The following LRMDA variants were observed in gnomAD, a reference collection of about 807,000 sequenced individuals.
LRMDA encodes the protein leucine rich melanocyte differentiation associated.
A neutral mutation model predicts 29.8 loss-of-function variants in LRMDA; 18 were observed. The ratio of observed to expected loss-of-function variants is 0.60; its 90% confidence interval spans 0.42 to 0.90. The LOEUF is 0.90. Ranked by LOEUF, LRMDA falls within the 40% of genes least tolerant of loss-of-function variation. The probability of loss-of-function intolerance (pLI) is 0.00; values close to 1 mark genes in which losing one functional copy is unlikely to be tolerated. For synonymous variants in LRMDA, 125 were observed against 109.4 expected, an observed-to-expected ratio of 1.14 and a Z score of -0.89; for missense variants, 273 against 273.9, an observed-to-expected ratio of 1.00 and a Z score of 0.02.
chr10:76,215,699 T>A (rs888949201), intron 5 of LRMDA, among the ~76,000 whole-genome samples: 2 of 152,194 alleles, frequency 1.3e-5, no homozygotes, highest in African/African-American at 4.8e-5. Flanking sequence ...AACCACGTTG[T>A]TCTTGAAAAA....
At chr10:76,532,749 G>T (rs898391100) in intron 6 of LRMDA, among the ~76,000 whole-genome samples, 2 of 152,164 alleles carry the variant, frequency 1.3e-5, no homozygotes, top group Non-Finnish European at 2.9e-5. Flanking sequence ...CATCATGGGA[G>T]GTTTGGAGGA....
At chr10:75,495,254 C>T (rs1297401930) in intron 2 of LRMDA, among the ~76,000 whole-genome samples, 1 of 152,076 alleles carries the variant, frequency 6.6e-6, no homozygotes, top group Non-Finnish European at 1.5e-5. Context: ...CCCTCTCTCC[C>T]TCCCTCCCTT....
chr10:75,843,871 T>C (rs1844586778), intron 2 of LRMDA, among the ~76,000 whole-genome samples: 1 of 152,056 alleles, frequency 6.6e-6, no homozygotes, highest in South Asian at 2.1e-4. Flanking sequence ...CCCTTGCAAA[T>C]GTTCAGACTC....
chr10:75,592,306 CTA>C (rs1274182884), intron 2 of LRMDA, among the ~76,000 whole-genome samples: 1 of 152,206 alleles, frequency 6.6e-6, no homozygotes. Flanking sequence ...GATTTCTACC[CTA>C]GACGCGTGGC....
At chr10:75,924,459 C>CAA (rs534764978) in intron 2 of LRMDA, among the ~76,000 whole-genome samples, 3,012 of 151,850 alleles carry the variant, frequency 0.02, 33 homozygotes, top group Non-Finnish European at 0.029. Context: ...GATGGCTTGT[C>CAA]AAAAAAAATA....
intron 6 of LRMDA, among the ~76,000 whole-genome samples, chr10:76,541,073 G>A (rs1165793182): frequency 2.0e-5 from 3 of 151,984 alleles, no homozygotes; most frequent in Non-Finnish European, 2.9e-5. Flanking sequence ...ATAACTGTCC[G>A]TGGCCCAAAT....
chr10:75,796,590 G>A (rs1843657517), intron 2 of LRMDA, among the ~76,000 whole-genome samples: 3 of 152,186 alleles, frequency 2.0e-5, no homozygotes, highest in Admixed American at 1.3e-4. Context: ...ATTATTTTTT[G>A]AGATAGAGTT....
chr10:75,899,819 C>T (rs1589246172), intron 2 of LRMDA, among the ~76,000 whole-genome samples: 4 of 152,322 alleles, frequency 2.6e-5, no homozygotes, highest in South Asian at 2.1e-4. Flanking sequence ...TCACCTTCCT[C>T]TCCAATGTGT....
chr10:76,478,117 C>A (rs1456935847), intron 6 of LRMDA, among the ~76,000 whole-genome samples: 1 of 152,102 alleles, frequency 6.6e-6, no homozygotes, highest in South Asian at 2.1e-4. Flanking sequence ...GAATAGGCAA[C>A]CTACAGATGG....
At chr10:76,338,337 C>T (rs748767991) in intron 6 of LRMDA, among the ~76,000 whole-genome samples, 31 of 150,788 alleles carry the variant, frequency 2.1e-4, no homozygotes, top group African/African-American at 4.1e-4. Context: ...GTATTCCAGC[C>T]GGGGCAGCAT....
At chr10:76,313,108 T>G (rs1467637214) in intron 5 of LRMDA, among the ~76,000 whole-genome samples, 2 of 152,108 alleles carry the variant, frequency 1.3e-5, no homozygotes, top group Admixed American at 1.3e-4. Flanking sequence ...TGCCTGGATT[T>G]GTGTCCCAGC....
chr10:76,494,304 C>T (rs1241271136), intron 6 of LRMDA, among the ~76,000 whole-genome samples: 2 of 148,174 alleles, frequency 1.3e-5, no homozygotes, highest in Non-Finnish European at 3.0e-5. Context: ...TTAAAATACA[C>T]GATACTACTC....
intron 2 of LRMDA, among the ~76,000 whole-genome samples, chr10:76,003,521 A>G (rs1207218286): frequency 2.0e-5 from 3 of 152,218 alleles, no homozygotes; most frequent in Non-Finnish European, 2.9e-5. Flanking sequence ...TCTCATAAAG[A>G]CGTTACACGT....
At chr10:76,486,945 C>T (rs1408625219) in intron 6 of LRMDA, among the ~76,000 whole-genome samples, 1 of 151,868 alleles carries the variant, frequency 6.6e-6, no homozygotes, top group Non-Finnish European at 1.5e-5. Flanking sequence ...GTTTTAACTA[C>T]TTCTACTTGG....
At chr10:75,556,752 GTT>G (rs71024550) in intron 2 of LRMDA, among the ~76,000 whole-genome samples, 1 of 143,418 alleles carries the variant, frequency 7.0e-6, no homozygotes, top group African/African-American at 2.6e-5. Flanking sequence ...TTGCATGATT[GTT>G]TTTTTTTTTT....
chr10:75,461,199 A>T (rs1042681904), intron 2 of LRMDA, among the ~76,000 whole-genome samples: 1 of 152,210 alleles, frequency 6.6e-6, no homozygotes, highest in African/African-American at 2.4e-5. Flanking sequence ...GCTAGGTTTG[A>T]TGGAGAAGTG....
intron 6 of LRMDA, among the ~76,000 whole-genome samples, chr10:76,400,815 C>T (rs1459499568): frequency 6.6e-6 from 1 of 152,120 alleles, no homozygotes; most frequent in Non-Finnish European, 1.5e-5. Flanking sequence ...CATTTTCTAC[C>T]TCATAGGGGA....
chr10:76,185,844 C>T (rs1012040375), intron 5 of LRMDA, among the ~76,000 whole-genome samples: 2 of 152,018 alleles, frequency 1.3e-5, no homozygotes, highest in Non-Finnish European at 2.9e-5. Flanking sequence ...TGTTGCTGTT[C>T]GACTGCCAGA....
At chr10:75,748,301 C>G (rs1233535785) in intron 2 of LRMDA, among the ~76,000 whole-genome samples, 1 of 152,152 alleles carries the variant, frequency 6.6e-6, no homozygotes, top group Non-Finnish European at 1.5e-5. Flanking sequence ...ACCATGTTGG[C>G]CAGGCTGGTC....
Sources: allele counts gnomAD v4.1 joint callset (sites outside exome capture counted in the v4.1 genomes callset), GRCh38; gene constraint gnomAD v4.1.1; transcripts MANE v1.5; gene names NCBI Gene and HGNC (gene_info 2026-07-23, HGNC 2026-07-21).